YTHDC2: variants seen among roughly 807,000 people sequenced by gnomAD.
YTHDC2 encodes the protein 3'-5' RNA helicase YTHDC2.
Under a neutral mutation model 174.9 loss-of-function variants are expected in YTHDC2, and 45 were observed. That is an observed-to-expected ratio of 0.26 (90% CI 0.20 to 0.33). The LOEUF is 0.33. Among genes scored for constraint, YTHDC2 ranks in the 10% least tolerant of loss-of-function variants. YTHDC2 has a pLI of 1.00. For synonymous variants in YTHDC2, 657 were observed against 574.5 expected, an observed-to-expected ratio of 1.14 and a Z score of -2.05; for missense variants, 1,650 against 1,723.7, an observed-to-expected ratio of 0.96 and a Z score of 0.76.
At chr5:113,557,367 T>C (rs1776680828) in intron 17 of YTHDC2, among the ~76,000 whole-genome samples, 1 of 152,236 alleles carries the variant, frequency 6.6e-6, no homozygotes, top group African/African-American at 2.4e-5. Flanking sequence ...TGAAGACTCA[T>C]GTGCATTATT....
chr5:113,577,402 G>T (rs888720882), intron 23 of YTHDC2, among the ~76,000 whole-genome samples: 14 of 152,008 alleles, frequency 9.2e-5, no homozygotes, highest in African/African-American at 3.4e-4. Flanking sequence ...CAGAGTCTTG[G>T]TCTGTCCCTC....
chr5:113,525,041 A>C lies in YTHDC2; in HGVS notation c.339A>C (p.Ala113=). The part of the protein sequence containing the change: ...KKKDGSETAH[A]MMTCNLTHNT... Reference sequence around the variant, plus strand: ...AAGATGGATCAGAAACAGCTCATGCAATGATGACCTGTAATTTGACTCATA... The same window carrying C: ...AAGATGGATCAGAAACAGCTCATGCCATGATGACCTGTAATTTGACTCATA... Residue 113 remains alanine (A), a synonymous_variant, in exon 3 of 30, where the codon GCA becomes GCC. Coordinates refer to ENST00000161863, the MANE Select transcript of YTHDC2 (RefSeq NM_022828.5). 6.2e-7 allele frequency: 1 copy of C among 1,611,900 alleles called. No homozygotes were observed.
chr5:113,524,641 C>T (rs1774090686), intron 2 of YTHDC2, among the ~76,000 whole-genome samples: 1 of 152,048 alleles, frequency 6.6e-6, no homozygotes, highest in South Asian at 2.1e-4. Context: ...GATTGATTTT[C>T]CCCCTCTGTA....
Position 113,542,464 on chromosome 5 carries a change from G to A in YTHDC2, c.1456G>A (p.Ala486Thr). Residue 486 changes from alanine to threonine, a missense_variant, in exon 10 of 30, where the codon GCT becomes ACT. Around this residue, in one of 5 missense-constraint regions of YTHDC2, gnomAD observed 411 missense variants for 380.6 expected, o/e 1.08. Coordinates refer to ENST00000161863, the MANE Select transcript of YTHDC2 (RefSeq NM_022828.5). The part of the protein sequence containing the change: ...IWLHKDIDAF[A>T]QVFHLILTEN... The stretch of plus-strand genomic sequence containing the variant: ...GCTACATAAAGATATTGATGCCTTT[G>A]CTCAGGTCTTTCATCTCATTTTAAC... The A allele has an allele frequency of 6.2e-7, 1 of 1,609,860 alleles. No individual in the cohort carries two copies. Among genetic ancestry groups the A allele is most frequent in the Non-Finnish European group, 8.5e-7 (1 of 1,178,848 alleles).
chr5:113,588,292 T>C (rs970598483), intron 26 of YTHDC2, among the ~76,000 whole-genome samples: 5 of 152,092 alleles, frequency 3.3e-5, no homozygotes, highest in Non-Finnish European at 7.4e-5. Flanking sequence ...GGGGAAAGCA[T>C]TTTTTGTCTG....
intron 1 of YTHDC2, among the ~76,000 whole-genome samples, 197 bp from the exon 2 acceptor site, chr5:113,515,075 C>CA (rs1373427688): frequency 6.6e-6 from 1 of 151,446 alleles, no homozygotes; most frequent in East Asian, 2.0e-4. Context: ...GATAGACATT[C>CA]AGTAGTTATT....
intron 26 of YTHDC2, among the ~76,000 whole-genome samples, chr5:113,588,866 C>T (rs1014216560): frequency 1.3e-5 from 2 of 151,934 alleles, no homozygotes; most frequent in Admixed American, 1.3e-4. Context: ...CTCAAGTGAT[C>T]TGCTCACCTC....
At chr5:113,561,843 A>G (rs1015175662) in intron 18 of YTHDC2, among the ~76,000 whole-genome samples, 2 of 152,106 alleles carry the variant, frequency 1.3e-5, no homozygotes, top group South Asian at 4.1e-4. Flanking sequence ...GGGATTAGCA[A>G]ACAAATTATT....
intron 23 of YTHDC2, among the ~76,000 whole-genome samples, chr5:113,568,726 A>G (rs147024313): frequency 9.0e-4 from 137 of 152,314 alleles, no homozygotes; most frequent in African/African-American, 3.0e-3. Context: ...ATGGCTGCAT[A>G]GTATCCCATG....
In YTHDC2 at chr5:113,526,682, A is replaced by G; in HGVS notation, c.572A>G (p.Gln191Arg). The change falls in exon 4 of 30, where the codon CAG (glutamine) becomes CGG (arginine). Residue 191 changes from glutamine to arginine, a missense_variant. Physicochemically the swap from Gln to Arg is conservative, Grantham distance 43. Around this residue, in one of 5 missense-constraint regions of YTHDC2, gnomAD observed 304 missense variants for 341.4 expected, o/e 0.89. Coordinates refer to ENST00000161863, the MANE Select transcript of YTHDC2 (RefSeq NM_022828.5). ...GAATCCGAATTTGATTCTTTTAGGC[A>G]GTCTTTACCAGTGTTTGAGAAACAG... ...RGESEFDSFR[Q>R]SLPVFEKQEE... 1 of 1,597,420 alleles carries G rather than the reference A, an allele frequency of 6.3e-7. No homozygotes were observed. The highest frequency in any genetic ancestry group is 8.5e-7 in the Non-Finnish European group (1 of 1,171,030).
At position 113,567,765 on chromosome 5, in the gene YTHDC2, G is replaced by T; in HGVS notation, c.3160G>T (p.Ala1054Ser). ...HRIANIRCCSAVTPVTILVFC... is the reference protein window; with the variant it reads ...HRIANIRCCSSVTPVTILVFC... ...AATAGCTAATATTAGATGTTGTTCAGCAGTGACGCCTGTCACTATATTGGT... is the reference window on the plus strand; with the variant it reads ...AATAGCTAATATTAGATGTTGTTCATCAGTGACGCCTGTCACTATATTGGT... The change falls in exon 23 of 30, where the codon GCA becomes TCA. Residue 1054 changes from alanine to serine, a missense_variant. This residue lies in a region of YTHDC2 where 913 missense variants were observed against 940.4 expected (regional missense o/e 0.97). Coordinates refer to ENST00000161863, the MANE Select transcript of YTHDC2 (RefSeq NM_022828.5). 1 of 1,609,872 alleles carries T rather than the reference G, an allele frequency of 6.2e-7. No individual in the cohort carries two copies. Among genetic ancestry groups the T allele is most frequent in the African/African-American group, 1.3e-5 (1 of 74,868 alleles).
chr5:113,515,352 A>G lies in YTHDC2; in HGVS notation c.268A>G (p.Lys90Glu). 1 of 1,611,984 alleles carries G rather than the reference A, an allele frequency of 6.2e-7. No individual in the cohort carries two copies. The highest frequency in any genetic ancestry group is 8.5e-7 in the Non-Finnish European group (1 of 1,179,466). Residue 90 changes from lysine (K) to glutamate (E), a missense_variant, in exon 2 of 30, where the codon AAA becomes GAA. By Grantham distance (56) the Lys-to-Glu change is moderately conservative. This residue lies in a region of YTHDC2 where 304 missense variants were observed against 341.4 expected (regional missense o/e 0.89). Coordinates refer to ENST00000161863, the MANE Select transcript of YTHDC2 (RefSeq NM_022828.5). ...RLSQSLGLVSKSKGKGANRYL... is the reference protein window; with the variant it reads ...RLSQSLGLVSESKGKGANRYL... ...CAGTCAGTCTCTTGGTTTGGTCTCTAAAAGTAAAGGGTAAGCTGGTAGCTT... is the reference window on the plus strand; with the variant it reads ...CAGTCAGTCTCTTGGTTTGGTCTCTGAAAGTAAAGGGTAAGCTGGTAGCTT...
In YTHDC2 at chr5:113,535,584, A is replaced by G. The variant is rs1774998273; in HGVS notation, c.946-58A>G. 4.9e-6 allele frequency: 7 copies of G among 1,443,112 alleles called. No individual in the cohort carries two copies. In the Middle Eastern group the frequency reaches 5.6e-4, roughly 115 times the overall value. 89.4% of individuals were successfully genotyped at this position (1,443,112 alleles called of 1,614,324 possible). ...AACCCAGTGGTGCCATTGTTTTTAA[A>G]GACTTAGTCATCAATAATGTTTTAA... On this transcript the variant is annotated intron_variant, in intron 6 of 29. Transcript: ENST00000161863.
In YTHDC2 at chr5:113,567,180, A is replaced by C; in HGVS notation, c.2931A>C (p.Ala977=). The C allele has an allele frequency of 6.2e-7, 1 of 1,613,930 alleles. No homozygotes were observed. The highest frequency in any genetic ancestry group is 8.5e-7 in the Non-Finnish European group (1 of 1,179,942). The change falls in exon 22 of 30, where the codon GCA becomes GCC. Residue 977 remains alanine, a synonymous_variant. Transcript: ENST00000161863. The part of the protein sequence containing the change: ...NWAVVKAALV[A]GMYPNLVHVD... The stretch of plus-strand genomic sequence containing the variant: ...CTGTCGTTAAAGCTGCATTGGTGGC[A>C]GGCATGTATCCTAATTTAGTCCACG...
intron 17 of YTHDC2, among the ~76,000 whole-genome samples, chr5:113,558,498 A>G (rs1206105449): frequency 6.6e-6 from 1 of 152,176 alleles, no homozygotes. Flanking sequence ...TTGATTGTGT[A>G]TGTAGGGGGT....
chr5:113,583,783 C>G (rs1580646232), intron 25 of YTHDC2: 1 of 152,404 alleles, frequency 6.6e-6, no homozygotes, highest in African/African-American at 2.4e-5. Context: ...CACCCGGACT[C>G]CATACCCTAT....
At chr5:113,541,427 G>A (rs1280990100) in intron 9 of YTHDC2, among the ~76,000 whole-genome samples, 3 of 151,968 alleles carry the variant, frequency 2.0e-5, no homozygotes, top group Non-Finnish European at 2.9e-5. Flanking sequence ...TCCTGATCTC[G>A]TGATCCACCC....
intron 24 of YTHDC2, among the ~76,000 whole-genome samples, chr5:113,580,713 G>C (rs1778349264): frequency 6.6e-6 from 1 of 152,096 alleles, no homozygotes; most frequent in African/African-American, 2.4e-5. Context: ...GGATAAATGT[G>C]ACCTCTATTA....
chr5:113,591,048 A>G lies in YTHDC2; in HGVS notation c.3833A>G (p.Lys1278Arg). Reference protein sequence around the residue: ...PSPPSSGKGSKSPSPRPNMPV... With the variant: ...PSPPSSGKGSRSPSPRPNMPV... ...TTATGTTTTCTTTTATAGGGCTCAAAATCTCCTTCGCCAAGACCAAACATG... is the reference window on the plus strand; with the variant it reads ...TTATGTTTTCTTTTATAGGGCTCAAGATCTCCTTCGCCAAGACCAAACATG... The change falls in exon 27 of 30, where the codon AAA becomes AGA. Residue 1278 changes from lysine to arginine, a missense_variant. Physicochemically the swap from Lys to Arg is conservative, Grantham distance 26. This residue lies in a region of YTHDC2 where 913 missense variants were observed against 940.4 expected (regional missense o/e 0.97). Coordinates refer to ENST00000161863, the MANE Select transcript of YTHDC2 (RefSeq NM_022828.5). 1 of 1,613,464 alleles carries G rather than the reference A, an allele frequency of 6.2e-7. No homozygotes were observed. The highest frequency in any genetic ancestry group is 8.5e-7 in the Non-Finnish European group (1 of 1,179,726).
Sources: gnomAD v4.1 joint callset for allele counts (sites outside exome capture counted in the v4.1 genomes callset) on GRCh38, gnomAD v4.1.1 for gene constraint, gnomAD v4.1.1 regional missense constraint, MANE v1.5 for transcripts, NCBI Gene and HGNC (gene_info 2026-07-23, HGNC 2026-07-21) for gene names.